Variants in B3GAT2 observed in about 807,000 individuals in gnomAD.
The protein encoded by B3GAT2 is beta-1,3-glucuronyltransferase 2, also known as galactosylgalactosylxylosylprotein 3-beta-glucuronosyltransferase 2.
A neutral mutation model predicts 27.8 loss-of-function variants in B3GAT2; 26 were observed. The observed-to-expected ratio is 0.93, with a 90% CI of 0.68 to 1.30. The LOEUF (loss-of-function observed/expected upper bound fraction) is 1.30, where lower values mean the gene tolerates loss of function less well. Among genes scored for constraint, B3GAT2 ranks in the 50% most tolerant of loss-of-function variants. B3GAT2 has a pLI of 0.00. For missense variants in B3GAT2, 458 were observed against 459.0 expected, an observed-to-expected ratio of 1.00 and a Z score of 0.02; for synonymous variants, 218 against 195.1, an observed-to-expected ratio of 1.12 and a Z score of -0.98.
At chr6:70,949,149 G>A (rs1157037893) in intron 1 of B3GAT2, among the ~76,000 whole-genome samples, 1 of 151,926 alleles carries the variant, frequency 6.6e-6, no homozygotes, top group African/African-American at 2.4e-5. Flanking sequence ...GCATGGGCAA[G>A]GACTTCATGT....
At chr6:70,862,207 A>G (rs567275931) in intron 2 of B3GAT2, among the ~76,000 whole-genome samples, 1 of 152,292 alleles carries the variant, frequency 6.6e-6, no homozygotes, top group South Asian at 2.1e-4. Flanking sequence ...AGGAGCATCT[A>G]CGCAAAATAG....
Position 70,861,757 on chromosome 6 carries a change from G to C in B3GAT2, c.886-8C>G, listed in dbSNP as rs577775408. The C allele has an allele frequency of 6.2e-7, 1 of 1,614,094 alleles. No individual in the cohort carries two copies. The highest frequency in any genetic ancestry group is 1.3e-5 in the African/African-American group (1 of 75,036). On this transcript the variant is annotated splice_polypyrimidine_tract_variant and splice_region_variant and intron_variant, in intron 3 of 3. Coordinates refer to ENST00000230053, the MANE Select transcript of B3GAT2 (RefSeq NM_080742.3). ...AGTGTGCCACACGAGAACCTGAAGG[G>C]GAAGGAAATAGCTTGGGTAGCGCAC...
At chr6:70,881,281 CTCTTG>C (rs1050916050) in intron 2 of B3GAT2, among the ~76,000 whole-genome samples, 6 of 152,282 alleles carry the variant, frequency 3.9e-5, no homozygotes, top group African/African-American at 1.4e-4. Context: ...CAGCTGCTGG[CTCTTG>C]TTTTATGATG....
chr6:70,949,426 T>C (rs535838011), intron 1 of B3GAT2, among the ~76,000 whole-genome samples: 6 of 152,134 alleles, frequency 3.9e-5, no homozygotes, highest in Admixed American at 6.5e-5. Flanking sequence ...AAAGAAACAT[T>C]TATGCAGCCA....
intron 1 of B3GAT2, among the ~76,000 whole-genome samples, chr6:70,935,389 G>C (rs1051306938): frequency 4.6e-5 from 7 of 152,124 alleles, no homozygotes; most frequent in Non-Finnish European, 7.3e-5. Context: ...GGGAGGTGGA[G>C]GCTGCAGTAA....
At chr6:70,931,148 C>T (rs1773056294) in intron 1 of B3GAT2, among the ~76,000 whole-genome samples, 2 of 151,786 alleles carry the variant, frequency 1.3e-5, no homozygotes, top group Non-Finnish European at 2.9e-5. Context: ...AACACTTGGA[C>T]ACATGGTGGG....
In B3GAT2 at chr6:70,956,002, G is replaced by A. The variant is rs1765649305; in HGVS notation, c.428C>T (p.Pro143Leu). Residue 143 changes from proline (P) to leucine (L), a missense_variant, in exon 1 of 4, where the codon CCC becomes CTC. Pro to Leu is a moderately conservative substitution (Grantham distance 98, BLOSUM62 -3). Coordinates refer to ENST00000230053, the MANE Select transcript of B3GAT2 (RefSeq NM_080742.3). ...GGGCCGCTTGTAGCGCCGCGGCGTG[G>A]GCACGTGCAGGTGAGTGCTGGGCAG... ...AGLPSTHLHV[P>L]TPRRYKRPGL... The A allele has an allele frequency of 1.4e-6, 2 of 1,463,134 alleles. No individual in the cohort carries two copies. Among genetic ancestry groups the A allele is most frequent in the African/African-American group, 1.5e-5 (1 of 67,156 alleles). 90.6% of individuals were successfully genotyped at this position (1,463,134 alleles called of 1,614,324 possible). A position where few individuals can be genotyped will look rare whatever the true frequency, so the allele number is the denominator to read the frequency against.
At chr6:70,886,969 T>A (rs972155833) in intron 2 of B3GAT2, among the ~76,000 whole-genome samples, 8 of 152,074 alleles carry the variant, frequency 5.3e-5, no homozygotes, top group African/African-American at 1.7e-4. Flanking sequence ...AAGGACAAAG[T>A]CCCAAGCTGG....
At chr6:70,912,251 G>C (rs1441111325) in intron 1 of B3GAT2, among the ~76,000 whole-genome samples, 1 of 152,012 alleles carries the variant, frequency 6.6e-6, no homozygotes, top group Non-Finnish European at 1.5e-5. Context: ...GTATGATGCT[G>C]GCTGTGATTT....
chr6:70,879,889 C>T (rs1049259620), intron 2 of B3GAT2, among the ~76,000 whole-genome samples: 35 of 151,986 alleles, frequency 2.3e-4, no homozygotes, highest in African/African-American at 6.0e-4. Context: ...ATAACTTGAG[C>T]GAGGCTCGGG....
At chr6:70,936,667 G>A (rs1429606782) in intron 1 of B3GAT2, among the ~76,000 whole-genome samples, 2 of 152,010 alleles carry the variant, frequency 1.3e-5, no homozygotes, top group South Asian at 2.1e-4. Context: ...GGTACATAAC[G>A]AAATGAAGGC....
At chr6:70,914,552 G>C (rs549297301) in intron 1 of B3GAT2, among the ~76,000 whole-genome samples, 39 of 151,792 alleles carry the variant, frequency 2.6e-4, no homozygotes, top group Admixed American at 3.9e-4. Flanking sequence ...TTTTAACAAA[G>C]ACATTTATTT....
intron 1 of B3GAT2, among the ~76,000 whole-genome samples, chr6:70,947,320 T>C (rs976536530): frequency 5.3e-5 from 8 of 151,604 alleles, no homozygotes; most frequent in Non-Finnish European, 7.4e-5. Flanking sequence ...ATCAACAAAA[T>C]TGATAGACCA....
intron 1 of B3GAT2, among the ~76,000 whole-genome samples, chr6:70,924,923 C>T (rs975198992): frequency 1.3e-5 from 2 of 152,226 alleles, no homozygotes; most frequent in African/African-American, 4.8e-5. Context: ...CTCAATTACT[C>T]CTGCAGGTAA....
intron 1 of B3GAT2, among the ~76,000 whole-genome samples, chr6:70,927,394 G>C (rs1013219748): frequency 3.3e-5 from 5 of 152,164 alleles, no homozygotes; most frequent in Non-Finnish European, 7.3e-5. Flanking sequence ...ATTGGATAAA[G>C]AGTCAAGACC....
At chr6:70,935,408 C>T (rs1473414852) in intron 1 of B3GAT2, among the ~76,000 whole-genome samples, 3 of 152,044 alleles carry the variant, frequency 2.0e-5, no homozygotes, top group Admixed American at 6.6e-5. Flanking sequence ...AAGCTGTGAT[C>T]GCACCACTAC....
At chr6:70,890,268 C>G (rs369437781) in intron 2 of B3GAT2, among the ~76,000 whole-genome samples, 10 of 152,248 alleles carry the variant, frequency 6.6e-5, no homozygotes, top group African/African-American at 2.4e-4. Flanking sequence ...GGCTCCCCCC[C>G]TGCAGTCACT....
At position 70,859,595 on chromosome 6, in the gene B3GAT2, T is replaced by G; in HGVS notation, c.*2068A>C. On this transcript the variant is annotated 3_prime_UTR_variant, in exon 4 of 4. Coordinates refer to ENST00000230053, the MANE Select transcript of B3GAT2 (RefSeq NM_080742.3). ...ATGGTAAATCTTGCCTTTCCTTCTC[T>G]TATCACCAATTTTGGAAGTAAGAGA... is the stretch of plus-strand genomic sequence containing the variant. 1 of 409,480 alleles carries G rather than the reference T, an allele frequency of 2.4e-6. No individual in the cohort carries two copies. Among genetic ancestry groups the G allele is most frequent in the South Asian group, 5.6e-5 (1 of 17,730 alleles). The allele number at this position is 409,480 out of a possible 1,614,324, so 25.4% of individuals were successfully genotyped here.
chr6:70,926,138 A>G (rs770058687), intron 1 of B3GAT2, among the ~76,000 whole-genome samples: 4 of 152,180 alleles, frequency 2.6e-5, no homozygotes, highest in Non-Finnish European at 4.4e-5. Flanking sequence ...CAACATCAAC[A>G]AAAAGGACAT....
Sources: gnomAD v4.1 joint callset for allele counts (sites outside exome capture counted in the v4.1 genomes callset) on GRCh38, gnomAD v4.1.1 for gene constraint, MANE v1.5 for transcripts, NCBI Gene and HGNC (gene_info 2026-07-23, HGNC 2026-07-21) for gene names.